Variants in KIFBP observed in about 807,000 individuals in gnomAD.
KIFBP encodes the protein KIF-binding protein.
Under a neutral mutation model 58.9 loss-of-function variants are expected in KIFBP, and 46 were observed. The ratio of observed to expected loss-of-function variants is 0.78; its 90% CI spans 0.62 to 1.00. KIFBP has a LOEUF of 1.00. Ranked by LOEUF, KIFBP falls within the 50% of genes least tolerant of loss-of-function variation. The probability of loss-of-function intolerance (pLI) is 0.00; values close to 1 mark genes in which losing one functional copy is unlikely to be tolerated. For synonymous variants in KIFBP, 241 were observed against 283.4 expected, an observed-to-expected ratio of 0.85 and a Z score of 1.50; for missense variants, 651 against 752.9, an observed-to-expected ratio of 0.86 and a Z score of 1.58.
intron 4 of KIFBP, among the ~76,000 whole-genome samples, chr10:69,008,389 A>ATAT (rs1434053871): frequency 0.029 from 1,638 of 56,180 alleles, 18 homozygotes; most frequent in East Asian, 0.041. Context: ...AAAAAAAAAA[A>ATAT]AAATATATAT....
chr10:69,008,798 G>A, intron 4 of KIFBP, 43 bp from the exon 5 acceptor site: 1 of 1,392,266 alleles, frequency 7.2e-7, no homozygotes, highest in East Asian at 2.3e-5. Flanking sequence ...TGCAAATAAA[G>A]CTGTGTGATA....
At chr10:68,995,919 A>T (rs1300566230) in intron 1 of KIFBP, among the ~76,000 whole-genome samples, 1 of 152,158 alleles carries the variant, frequency 6.6e-6, no homozygotes, top group Non-Finnish European at 1.5e-5. Flanking sequence ...GCACTTTGGG[A>T]GGCCAAGGCG....
intron 5 of KIFBP, among the ~76,000 whole-genome samples, chr10:69,010,498 T>C (rs1156744119): frequency 1.3e-5 from 2 of 152,352 alleles, no homozygotes; most frequent in South Asian, 2.1e-4. Context: ...CTGAATAGTT[T>C]AGCACCAGGT....
At chr10:69,004,679 C>G (rs1166845757) in intron 2 of KIFBP, among the ~76,000 whole-genome samples, 1 of 152,044 alleles carries the variant, frequency 6.6e-6, no homozygotes, top group African/African-American at 2.4e-5. Flanking sequence ...GTCTGGGCAA[C>G]ATAGCGAAAC....
chr10:69,004,389 A>G (rs1843508790), intron 2 of KIFBP, among the ~76,000 whole-genome samples: 1 of 149,578 alleles, frequency 6.7e-6, no homozygotes, highest in African/African-American at 2.5e-5. Flanking sequence ...ATAAGAATTA[A>G]AAAAAGAAAA....
Position 69,005,224 on chromosome 10 carries a change from C to T in KIFBP, c.605+99C>T. The T allele has an allele frequency of 6.8e-6, 6 of 888,332 alleles. No homozygotes were observed. In the South Asian group the frequency reaches 8.3e-5, roughly 12 times the overall value. 55.0% of individuals were successfully genotyped at this position (888,332 alleles called of 1,614,324 possible). On this transcript the variant is annotated intron_variant, in intron 3 of 6. Coordinates refer to ENST00000361983, the MANE Select transcript of KIFBP (RefSeq NM_015634.4). Reference sequence around the variant, plus strand: ...TTATAAAGGTTATAGAATGTGGATTCTGACAGGAGTAAAACCTCCATTTAC... The same window carrying T: ...TTATAAAGGTTATAGAATGTGGATTTTGACAGGAGTAAAACCTCCATTTAC...
intron 6 of KIFBP, among the ~76,000 whole-genome samples, chr10:69,012,087 T>C (rs779714029): frequency 1.3e-5 from 2 of 152,152 alleles, no homozygotes; most frequent in East Asian, 3.8e-4. Flanking sequence ...AAATAGCTCA[T>C]GTAATAGTTC....
chr10:68,989,287 C>A (rs1200822821), intron 1 of KIFBP, 29 bp downstream of exon 1: 1 of 1,609,620 alleles, frequency 6.2e-7, no homozygotes, highest in Non-Finnish European at 8.5e-7. Flanking sequence ...AGGCCGGCCC[C>A]TGTTGGCAAA....
At chr10:68,998,757 G>GTATATATA (rs1554842726) in intron 1 of KIFBP, among the ~76,000 whole-genome samples, 13,189 of 79,224 alleles carry the variant, frequency 0.17, 2,081 homozygotes, top group Non-Finnish European at 0.24. Flanking sequence ...ATACATATAT[G>GTATATATA]TATATATATA....
chr10:69,015,498 G>A (rs538856981), intron 6 of KIFBP, 43 bp from the exon 7 acceptor site: 4 of 1,576,922 alleles, frequency 2.5e-6, no homozygotes, highest in East Asian at 2.2e-5. Context: ...ACAGCAGGAG[G>A]TGAGTGTCCT....
chr10:69,015,712 G>C lies in KIFBP; in HGVS notation c.1162G>C (p.Asp388His). 1 of 1,614,210 alleles carries C rather than the reference G, an allele frequency of 6.2e-7. No individual in the cohort carries two copies. Among genetic ancestry groups the C allele is most frequent in the Non-Finnish European group, 8.5e-7 (1 of 1,180,032 alleles). The change falls in exon 7 of 7, where the codon GAT (aspartate) becomes CAT (histidine). Residue 388 changes from aspartate to histidine, a missense_variant. By Grantham distance (81) the Asp-to-His change is moderately conservative. Transcript: ENST00000361983. ...EEKVSYLRPL[D>H]FEEARELFLL... ...GAAAGTGAGCTACTTGAGACCTTTA[G>C]ATTTTGAAGAAGCCAGAGAACTTTT...
At chr10:68,993,197 C>T (rs1843368956) in intron 1 of KIFBP, among the ~76,000 whole-genome samples, 1 of 152,172 alleles carries the variant, frequency 6.6e-6, no homozygotes, top group African/African-American at 2.4e-5. Flanking sequence ...GGCTCTGTGT[C>T]TTGGCTTGTT....
At position 69,008,390 on chromosome 10, in the gene KIFBP, AAATAT is replaced by A. The variant is rs1200869638; in HGVS notation, c.790-449_790-445del. Among the ~76,000 whole-genome samples, 34 of 102,888 alleles carry A rather than the reference AAATAT, an allele frequency of 3.3e-4. 1 individual carries two copies. Among genetic ancestry groups the A allele is most frequent in the African/African-American group, 1.3e-3 (31 of 23,432 alleles). The allele number at this position is 102,888 out of a possible 152,430, so 67.5% of individuals were successfully genotyped here. Reference sequence around the variant, plus strand: ...ACCCCTGTCTCGTAAAAAAAAAAAAAAATATATATATATATATATATATATATATT... The same window carrying A: ...ACCCCTGTCTCGTAAAAAAAAAAAAAATATATATATATATATATATATATT... On this transcript the variant is annotated intron_variant, in intron 4 of 6. Transcript: ENST00000361983.
intron 2 of KIFBP, among the ~76,000 whole-genome samples, chr10:69,004,219 C>CA (rs1164355898): frequency 0.017 from 1,307 of 78,646 alleles, 1 homozygote; most frequent in East Asian, 0.025. Context: ...ACTCCATCTC[C>CA]AAAAAAAAAA....
Position 68,988,987 on chromosome 10 carries a change from C to T in KIFBP, c.155C>T (p.Pro52Leu), listed in dbSNP as rs755489046. Residue 52 changes from proline (P) to leucine (L), a missense_variant, in exon 1 of 7, where the codon CCT (proline) becomes CTT (leucine). Coordinates refer to ENST00000361983, the MANE Select transcript of KIFBP (RefSeq NM_015634.4). ...GAAGAGGTCAAGGCGCTGCTCGGCC[C>T]TGCGCCTGAGGACGAGGATGAGCGG... Reference protein sequence around the residue: ...LLEEVKALLGPAPEDEDERPE... With the variant: ...LLEEVKALLGLAPEDEDERPE... The T allele has an allele frequency of 8.1e-6, 13 of 1,614,126 alleles. No individual in the cohort carries two copies. In the Admixed American group the frequency reaches 2.2e-4, roughly 27 times the overall value.
At position 68,993,403 on chromosome 10, in the gene KIFBP, C is replaced by G. The variant is rs138911465; in HGVS notation, c.426+4145C>G. Among the ~76,000 whole-genome samples, 459 of 152,246 alleles carry G rather than the reference C, an allele frequency of 3.0e-3. 4 individuals carry two copies. The highest frequency in any genetic ancestry group is 0.01 in the African/African-American group (429 of 41,554). ...GTGGGTTAGTAATTTCTGTCTGTCT[C>G]TTTGCCCCTCACTAATTGTTCACCC... is the stretch of plus-strand genomic sequence containing the variant. On this transcript the variant is annotated intron_variant, in intron 1 of 6. Transcript: ENST00000361983.
chr10:69,011,683 C>CTTTTTTT lies in KIFBP; in HGVS notation c.990+691_990+697dup, dbSNP rs34786287. Among the ~76,000 whole-genome samples the CTTTTTTT allele has an allele frequency of 2.8e-4, 12 of 42,534 alleles. 2 individuals are homozygous for CTTTTTTT. The highest frequency in any genetic ancestry group is 1.1e-3 in the African/African-American group (11 of 9,912). 27.9% of individuals were successfully genotyped at this position (42,534 alleles called of 152,430 possible). A position where few individuals can be genotyped will look rare whatever the true frequency, so the allele number is the denominator to read the frequency against. ...ACAGGTGTGAGCCACTGTGCCTAAT[C>CTTTTTTT]TTTTTTTTTTTTTTTTTTTTTTTTT... On this transcript the variant is annotated intron_variant, in intron 6 of 6. Coordinates refer to ENST00000361983, the MANE Select transcript of KIFBP (RefSeq NM_015634.4).
intron 1 of KIFBP, among the ~76,000 whole-genome samples, chr10:68,997,911 A>G (rs186332738): frequency 6.6e-6 from 1 of 152,204 alleles, no homozygotes; most frequent in Admixed American, 6.5e-5. Context: ...TATTCAGGGT[A>G]GACTGTGCCA....
At chr10:69,002,344 A>C (rs916297755) in intron 2 of KIFBP, among the ~76,000 whole-genome samples, 3 of 151,742 alleles carry the variant, frequency 2.0e-5, no homozygotes, top group Admixed American at 6.6e-5. Context: ...ATTTTTATAG[A>C]GACCGGGTTT....
Sources: allele counts gnomAD v4.1 joint callset (sites outside exome capture counted in the v4.1 genomes callset), GRCh38; gene constraint gnomAD v4.1.1; transcripts MANE v1.5; gene names NCBI Gene and HGNC (gene_info 2026-07-23, HGNC 2026-07-21).